CCDC25: variants seen among roughly 807,000 people sequenced by gnomAD.
The protein encoded by CCDC25 is coiled-coil domain-containing protein 25.
A neutral mutation model predicts 35.3 loss-of-function variants in CCDC25; 16 were observed. The ratio of observed to expected loss-of-function variants is 0.45; its 90% CI spans 0.31 to 0.69. The LOEUF (loss-of-function observed/expected upper bound fraction) is 0.69. Ranked by LOEUF, CCDC25 falls within the 30% of genes least tolerant of loss-of-function variation. The probability of loss-of-function intolerance (pLI) is 0.06; values close to 1 mark genes in which losing one functional copy is unlikely to be tolerated. For missense variants in CCDC25, 179 were observed against 250.7 expected (o/e 0.71, Z 1.93); for synonymous variants, 79 against 80.3 (o/e 0.98, Z 0.09).
chr8:27,740,539 C>T (rs1253066093), intron 7 of CCDC25, 22 bp from the exon 8 acceptor site: 1 of 1,599,728 alleles, frequency 6.3e-7, no homozygotes. Flanking sequence ...AAAACACACA[C>T]ACACATTTAA....
chr8:27,770,021 G>A (rs943871802), intron 1 of CCDC25, among the ~76,000 whole-genome samples: 3 of 152,116 alleles, frequency 2.0e-5, no homozygotes, highest in Non-Finnish European at 4.4e-5. Context: ...GCGTGTGCCT[G>A]TAATCCCAGC....
chr8:27,751,246 T>C (rs946071686), intron 5 of CCDC25, among the ~76,000 whole-genome samples: 10 of 152,224 alleles, frequency 6.6e-5, no homozygotes, highest in African/African-American at 2.4e-4. Context: ...GTGAAGGAAG[T>C]TGGAACACAG....
chr8:27,753,087 T>C (rs532002102), intron 4 of CCDC25: 1 of 152,344 alleles, frequency 6.6e-6, no homozygotes, highest in South Asian at 2.1e-4. Context: ...TGTGTAGATC[T>C]CAACCATTCA....
intron 8 of CCDC25, among the ~76,000 whole-genome samples, chr8:27,739,506 A>C (rs1471070608): frequency 6.6e-6 from 1 of 152,114 alleles, no homozygotes; most frequent in Non-Finnish European, 1.5e-5. Flanking sequence ...GAGGAAAAAA[A>C]CAATTAAAAA....
intron 8 of CCDC25, 35 bp from the exon 9 acceptor site, chr8:27,736,280 T>C (rs770331873): frequency 6.0e-6 from 9 of 1,497,738 alleles, no homozygotes; most frequent in Non-Finnish European, 7.3e-6. Flanking sequence ...CATAAAAGCC[T>C]TGAAAATAAT....
chr8:27,772,471 C>T, intron 1 of CCDC25, 42 bp downstream of exon 1: 2 of 1,545,210 alleles, frequency 1.3e-6, no homozygotes, highest in Non-Finnish European at 1.8e-6. Context: ...GCTTCGGAGC[C>T]CGCTGTCCAG....
intron 4 of CCDC25, among the ~76,000 whole-genome samples, chr8:27,755,990 G>A (rs192926737): frequency 1.1e-4 from 17 of 152,284 alleles, no homozygotes; most frequent in Admixed American, 4.6e-4. Flanking sequence ...TCCAAATAAA[G>A]TCCAGAGTTT....
At chr8:27,748,333 G>C in intron 6 of CCDC25, 54 bp from the exon 7 acceptor site, 1 of 1,524,234 alleles carries the variant, frequency 6.6e-7, no homozygotes, top group South Asian at 1.2e-5. Flanking sequence ...TTTTCTCCCA[G>C]AAGAGGGATG....
At chr8:27,763,993 CAGGCAAAGT>C (rs1302382312) in intron 2 of CCDC25, among the ~76,000 whole-genome samples, 1 of 152,168 alleles carries the variant, frequency 6.6e-6, no homozygotes, top group Non-Finnish European at 1.5e-5. Flanking sequence ...TTCCCTCAGT[CAGGCAAAGT>C]TTGGCTCCCT....
intron 2 of CCDC25, among the ~76,000 whole-genome samples, chr8:27,763,017 G>C (rs148559037): frequency 3.5e-4 from 53 of 152,238 alleles, no homozygotes; most frequent in African/African-American, 1.2e-3. Context: ...AGGTGGGGTG[G>C]AACATGGGTA....
chr8:27,752,688 A>C, intron 4 of CCDC25, 101 bp from the exon 5 acceptor site: 1 of 799,302 alleles, frequency 1.3e-6, no homozygotes, highest in South Asian at 1.6e-5. Flanking sequence ...GCATGATTTT[A>C]CTAAAAGCAG....
intron 1 of CCDC25, among the ~76,000 whole-genome samples, chr8:27,769,140 A>G (rs1028354469): frequency 1.3e-5 from 2 of 152,248 alleles, no homozygotes; most frequent in African/African-American, 4.8e-5. Flanking sequence ...TTGTTTCTAT[A>G]CTGCCAATAT....
At chr8:27,753,479 G>A (rs938760151) in intron 4 of CCDC25, among the ~76,000 whole-genome samples, 18 of 152,286 alleles carry the variant, frequency 1.2e-4, no homozygotes, top group Non-Finnish European at 2.1e-4. Flanking sequence ...GGGAAGCCAA[G>A]GCAGGAGGAC....
intron 1 of CCDC25, among the ~76,000 whole-genome samples, chr8:27,769,552 G>A (rs1006875900): frequency 6.6e-6 from 1 of 152,148 alleles, no homozygotes; most frequent in Admixed American, 6.5e-5. Flanking sequence ...TGCCAAGGAC[G>A]AAAATGCTTA....
At chr8:27,756,695 G>A in intron 4 of CCDC25, 24 bp downstream of exon 4, 5 of 1,561,522 alleles carry the variant, frequency 3.2e-6, no homozygotes, top group East Asian at 2.2e-5. Flanking sequence ...GAAAAGTCAA[G>A]AATCCATGTT....
At chr8:27,772,101 A>C in intron 1 of CCDC25, 1 of 203,814 alleles carries the variant, frequency 4.9e-6, no homozygotes, top group Non-Finnish European at 1.0e-5. Flanking sequence ...AAAAGTTGTT[A>C]GCAGGTGTCT....
At chr8:27,741,479 G>A (rs1332849556) in intron 7 of CCDC25, among the ~76,000 whole-genome samples, 1 of 152,200 alleles carries the variant, frequency 6.6e-6, no homozygotes, top group Non-Finnish European at 1.5e-5. Context: ...AGGGGTTCGA[G>A]AGCAGCCTGA....
chr8:27,738,295 T>A (rs1803314493), intron 8 of CCDC25, among the ~76,000 whole-genome samples: 1 of 152,114 alleles, frequency 6.6e-6, no homozygotes, highest in Admixed American at 6.6e-5. Context: ...CACAAACATC[T>A]GTATCCCTTA....
At chr8:27,766,667 C>T (rs1804410669) in intron 1 of CCDC25, among the ~76,000 whole-genome samples, 1 of 152,130 alleles carries the variant, frequency 6.6e-6, no homozygotes, top group African/African-American at 2.4e-5. Context: ...TATACCCTTT[C>T]AATCCTATAA....
Sources: gnomAD v4.1 joint callset for allele counts (sites outside exome capture counted in the v4.1 genomes callset) on GRCh38, gnomAD v4.1.1 for gene constraint, MANE v1.5 for transcripts, NCBI Gene and HGNC (gene_info 2026-07-23, HGNC 2026-07-21) for gene names.